GOLGB1: variants seen among roughly 807,000 people sequenced by gnomAD.
The protein encoded by GOLGB1 is golgin B1, also known as golgin subfamily B member 1.
Under a neutral mutation model 336.9 loss-of-function variants are expected in GOLGB1, and 174 were observed. That is an observed-to-expected ratio of 0.52 (90% CI 0.46 to 0.59). GOLGB1 has a LOEUF of 0.59. GOLGB1 is among the 20% of genes least tolerant of loss of function. The pLI is 0.00. For synonymous variants in GOLGB1, 1,208 were observed against 1,289.2 expected, an observed-to-expected ratio of 0.94 and a Z score of 1.35; for missense variants, 3,331 against 3,645.3, an observed-to-expected ratio of 0.91 and a Z score of 2.22.
intron 16 of GOLGB1, 68 bp from the exon 17 acceptor site, chr3:121,677,098 A>C: frequency 1.3e-6 from 2 of 1,585,146 alleles, no homozygotes; most frequent in Non-Finnish European, 1.7e-6. Flanking sequence ...TTCCCTCTAG[A>C]AATCCTGTCC....
Position 121,729,852 on chromosome 3 carries a change from A to G in GOLGB1, c.249+13T>C. ...ATCAAATGCTCCACAAGAAAGGATAAAAACAATAGTACCTGTAGAGCTTCA... is the reference window on the plus strand; with the variant it reads ...ATCAAATGCTCCACAAGAAAGGATAGAAACAATAGTACCTGTAGAGCTTCA... On this transcript the variant is annotated intron_variant, in intron 3 of 21. Transcript: ENST00000614479. The G allele has an allele frequency of 1.3e-6, 2 of 1,593,628 alleles. No homozygotes were observed. Among genetic ancestry groups the G allele is most frequent in the Non-Finnish European group, 1.7e-6 (2 of 1,167,118 alleles).
chr3:121,690,964 A>C lies in GOLGB1; in HGVS notation c.8400T>G (p.Thr2800=), dbSNP rs1273752155. ...LSETAFSMNS[T]EENSLSHLEK... ...CAAGGTGAGACAAGCTATTCTCCTCAGTGGAGTTCATTGAAAAGGCGGTTT... is the reference window on the plus strand; with the variant it reads ...CAAGGTGAGACAAGCTATTCTCCTCCGTGGAGTTCATTGAAAAGGCGGTTT... Residue 2800 remains threonine, a synonymous_variant, in exon 14 of 22, where the codon ACT becomes ACG. Transcript: ENST00000614479. 3.1e-6 allele frequency: 5 copies of C among 1,614,194 alleles called. No homozygotes were observed. The highest frequency in any genetic ancestry group is 1.7e-5 in the Admixed American group (1 of 60,024).
chr3:121,721,617 G>C (rs1034523232), intron 6 of GOLGB1, among the ~76,000 whole-genome samples: 3 of 152,178 alleles, frequency 2.0e-5, no homozygotes, highest in South Asian at 2.1e-4. Flanking sequence ...TTGGGCAACA[G>C]AGTGAGACCC....
chr3:121,664,862 GC>G (rs1389046522), intron 21 of GOLGB1, 63 bp downstream of exon 21: 2 of 996,410 alleles, frequency 2.0e-6, no homozygotes, highest in Non-Finnish European at 3.2e-6. Flanking sequence ...TCAGCTCCTT[GC>G]CCCCAGTATA....
chr3:121,708,045 A>G (rs1944036823), intron 10 of GOLGB1, among the ~76,000 whole-genome samples: 1 of 152,232 alleles, frequency 6.6e-6, no homozygotes, highest in Admixed American at 6.5e-5. Context: ...TCCATCAATG[A>G]GTCAATGGTT....
intron 20 of GOLGB1, among the ~76,000 whole-genome samples, chr3:121,665,408 C>T (rs946200088): frequency 2.0e-5 from 3 of 152,208 alleles, no homozygotes; most frequent in African/African-American, 7.2e-5. Context: ...GAATTCAATA[C>T]CCAACTTTGT....
chr3:121,697,282 T>C lies in GOLGB1; in HGVS notation c.3241A>G (p.Ile1081Val), dbSNP rs764463462. ...AGCTTTTCTTCCAAATCCTTCCTTA[T>C]ATGCTGTAGTTCCACTTCTTTCTCA... ...ISEKEVELQH[I>V]RKDLEEKLAA... Residue 1081 changes from isoleucine to valine, a missense_variant, in exon 13 of 22, where the codon ATA becomes GTA. Ile to Val is a conservative substitution (Grantham distance 29, BLOSUM62 3). Transcript: ENST00000614479. 2.5e-6 allele frequency: 4 copies of C among 1,613,984 alleles called. No homozygotes were observed. Among genetic ancestry groups the C allele is most frequent in the Non-Finnish European group, 3.4e-6 (4 of 1,179,888 alleles).
At chr3:121,715,204 C>CT (rs1391088214) in intron 9 of GOLGB1, among the ~76,000 whole-genome samples, 15,836 of 133,568 alleles carry the variant, frequency 0.12, 1,023 homozygotes, top group East Asian at 0.23. Flanking sequence ...GGCCTAGGCA[C>CT]TTTTTTTTTT....
In GOLGB1 at chr3:121,719,564, G is replaced by A. The variant is rs139324774; in HGVS notation, c.771+82C>T. On this transcript the variant is annotated intron_variant, in intron 7 of 21. Transcript: ENST00000614479. ...AAACACTAACACCAAGTGAAGAGCA[G>A]TGGGTAAGGGTAGGAAATTGGCTGT... 2.8e-6 allele frequency: 3 copies of A among 1,081,796 alleles called. No individual in the cohort carries two copies. The African/African-American group carries it at 4.8e-5, about 17-fold the overall frequency. The allele number at this position is 1,081,796 out of a possible 1,614,324, so 67.0% of individuals were successfully genotyped here.
chr3:121,673,349 A>G (rs6783463), intron 17 of GOLGB1, among the ~76,000 whole-genome samples: 86,649 of 137,120 alleles, frequency 0.63, 25,899 homozygotes, highest in East Asian at 0.8. Context: ...GATTACAGGC[A>G]TAAGCCACCA....
At chr3:121,699,762 T>G in intron 12 of GOLGB1, 50 bp downstream of exon 12, 1 of 1,086,680 alleles carries the variant, frequency 9.2e-7, no homozygotes, top group Non-Finnish European at 1.4e-6. Context: ...TGAAGCTACC[T>G]TCTCTTAATC....
At position 121,670,755 on chromosome 3, in the gene GOLGB1, T is replaced by TGG. The variant is rs398038351; in HGVS notation, c.9178-1402_9178-1401dup. Among the ~76,000 whole-genome samples the TGG allele has an allele frequency of 6.1e-3, 485 of 79,062 alleles. 13 individuals carry two copies. The highest frequency in any genetic ancestry group is 0.011 in the African/African-American group (227 of 21,542). 51.9% of individuals were successfully genotyped at this position (79,062 alleles called of 152,430 possible). On this transcript the variant is annotated intron_variant, in intron 17 of 21. Transcript: ENST00000614479. ...CTAAGAAAATCATAGGGTTTTCTTT[T>TGG]GGGGGGGGGGGTGTGGGAGGAGGTG...
intron 17 of GOLGB1, among the ~76,000 whole-genome samples, chr3:121,675,359 T>C (rs1468925964): frequency 6.6e-6 from 1 of 152,214 alleles, no homozygotes; most frequent in Non-Finnish European, 1.5e-5. Flanking sequence ...TACATACGTG[T>C]TTTTACCTCA....
At chr3:121,747,350 T>C (rs1238899979) in intron 1 of GOLGB1, among the ~76,000 whole-genome samples, 3 of 145,140 alleles carry the variant, frequency 2.1e-5, no homozygotes, top group African/African-American at 5.1e-5. Context: ...TATATATATG[T>C]GTATATACGT....
At chr3:121,722,725 A>G (rs949756721) in intron 5 of GOLGB1, among the ~76,000 whole-genome samples, 1 of 152,204 alleles carries the variant, frequency 6.6e-6, no homozygotes, top group Non-Finnish European at 1.5e-5. Flanking sequence ...ACCCACAAGA[A>G]CTACATTGTA....
intron 17 of GOLGB1, 67 bp downstream of exon 17, chr3:121,676,826 C>T (rs1576285816): frequency 7.1e-7 from 1 of 1,415,184 alleles, no homozygotes; most frequent in South Asian, 1.2e-5. Flanking sequence ...GAATTGGCTT[C>T]TACTTGCCTT....
chr3:121,676,793 T>C (rs899681146), intron 17 of GOLGB1, 100 bp downstream of exon 17: 7 of 1,013,260 alleles, frequency 6.9e-6, no homozygotes, highest in East Asian at 4.8e-5. Context: ...CCCTAAGATA[T>C]GCTACAGCTG....
At chr3:121,706,658 C>G (rs552521924) in intron 10 of GOLGB1, among the ~76,000 whole-genome samples, 2 of 122,742 alleles carry the variant, frequency 1.6e-5, no homozygotes, top group Non-Finnish European at 3.2e-5. Flanking sequence ...CACTTGAATC[C>G]GGGAAGTGGA....
intron 1 of GOLGB1, among the ~76,000 whole-genome samples, chr3:121,738,208 CAG>C (rs1245904614): frequency 6.6e-6 from 1 of 152,148 alleles, no homozygotes; most frequent in Non-Finnish European, 1.5e-5. Flanking sequence ...ACTTATCAAA[CAG>C]AATCACTTTA....
Sources: allele counts gnomAD v4.1 joint callset (sites outside exome capture counted in the v4.1 genomes callset), GRCh38; gene constraint gnomAD v4.1.1; transcripts MANE v1.5; gene names NCBI Gene and HGNC (gene_info 2026-07-23, HGNC 2026-07-21).